Variants in AKAP13 observed in about 807,000 individuals in gnomAD.
AKAP13 encodes A-kinase anchoring protein 13, also known as A-kinase anchor protein 13.
In AKAP13, 80 loss-of-function variants were observed where a neutral mutation model predicts 264.5. The ratio of observed to expected loss-of-function variants is 0.30; its 90% CI spans 0.25 to 0.36. The LOEUF (loss-of-function observed/expected upper bound fraction) is 0.36. AKAP13 is among the 10% of genes least tolerant of loss of function. The probability of loss-of-function intolerance (pLI) is 1.00; values close to 1 mark genes in which losing one functional copy is unlikely to be tolerated. For missense variants in AKAP13, 3,712 were observed against 3,435.2 expected (o/e 1.08, Z -2.01); for synonymous variants, 1,380 against 1,250.2 (o/e 1.10, Z -2.19).
intron 1 of AKAP13, among the ~76,000 whole-genome samples, chr15:85,401,724 CCTA>C (rs1159202550): frequency 3.3e-5 from 5 of 152,120 alleles, no homozygotes; most frequent in African/African-American, 1.2e-4. Flanking sequence ...CTTAGGTCTC[CCTA>C]CTTTCTTTCC....
chr15:85,464,252 A>G (rs2074640103), intron 1 of AKAP13, among the ~76,000 whole-genome samples: 1 of 152,122 alleles, frequency 6.6e-6, no homozygotes, highest in African/African-American at 2.4e-5. Context: ...GTGCTCTAGT[A>G]TGTGTTAAAA....
intron 16 of AKAP13, among the ~76,000 whole-genome samples, chr15:85,687,458 T>G (rs1296050718): frequency 3.9e-5 from 6 of 152,228 alleles, no homozygotes; most frequent in Admixed American, 3.9e-4. Flanking sequence ...ACCTCTTGTC[T>G]CTGATCATCT....
At chr15:85,702,089 C>G (rs1429936169) in intron 17 of AKAP13, 1 of 151,990 alleles carries the variant, frequency 6.6e-6, no homozygotes, top group Non-Finnish European at 1.5e-5. Flanking sequence ...ACTAAAAATA[C>G]AAAAAATTAG....
At chr15:85,489,196 G>T (rs2075657272) in intron 2 of AKAP13, among the ~76,000 whole-genome samples, 2 of 152,322 alleles carry the variant, frequency 1.3e-5, no homozygotes, top group Admixed American at 6.5e-5. Context: ...TTAAGTCATA[G>T]AAACCACTGT....
chr15:85,700,408 G>A (rs1396285433), intron 17 of AKAP13, among the ~76,000 whole-genome samples: 4 of 152,142 alleles, frequency 2.6e-5, no homozygotes, highest in African/African-American at 9.7e-5. Flanking sequence ...TATCAGTGTC[G>A]TATGTGCTAG....
rs4075254 is a variant in AKAP13 at position 85,580,757 on chromosome 15, G to A, written c.2689G>A (p.Val897Met). 1,018,103 of 1,613,858 alleles carry A rather than the reference G, an allele frequency of 0.63. 322,710 individuals carry two copies. Among genetic ancestry groups the A allele is most frequent in the Middle Eastern group, 0.69 (4,184 of 6,062 alleles). ...KGNTDSSLQS[V>M]GKATLALDSV... is the part of the protein sequence containing the mutation. The stretch of plus-strand genomic sequence containing the variant: ...GAACACTGACTCTTCCCTGCAAAGT[G>A]TGGGTAAGGCCACTTTGGCTTTAGA... The change falls in exon 7 of 37, where the codon GTG becomes ATG. Residue 897 changes from valine to methionine, a missense_variant. By Grantham distance (21) the Val-to-Met change is conservative (BLOSUM62 1). This residue lies in a region of AKAP13 where 2,759 missense variants were observed against 2,411.7 expected (regional missense o/e 1.14). Coordinates refer to ENST00000394518, the MANE Select transcript of AKAP13 (RefSeq NM_007200.5).
chr15:85,459,513 T>C (rs569140024), intron 1 of AKAP13, among the ~76,000 whole-genome samples: 1 of 151,242 alleles, frequency 6.6e-6, no homozygotes, highest in African/African-American at 2.4e-5. Context: ...TTTTCTTTTT[T>C]TTTTGAGATG....
chr15:85,477,872 G>T (rs556377326), intron 1 of AKAP13, among the ~76,000 whole-genome samples: 1 of 152,234 alleles, frequency 6.6e-6, no homozygotes, highest in Non-Finnish European at 1.5e-5. Flanking sequence ...GATGCCTCTT[G>T]TGACTCCTTC....
At chr15:85,404,267 A>G (rs1485791038) in intron 1 of AKAP13, among the ~76,000 whole-genome samples, 4 of 152,142 alleles carry the variant, frequency 2.6e-5, no homozygotes, top group Admixed American at 1.3e-4. Flanking sequence ...TTGTCAGTTT[A>G]TTCTTCTTTT....
intron 30 of AKAP13, 126 bp downstream of exon 30, chr15:85,730,833 T>C: frequency 1.2e-6 from 1 of 822,584 alleles, no homozygotes; most frequent in Non-Finnish European, 1.8e-6. Flanking sequence ...AAAACAAATA[T>C]TTCACTATAG....
At position 85,581,202 on chromosome 15, in the gene AKAP13, G is replaced by C. The variant is rs1427672207; in HGVS notation, c.3134G>C (p.Cys1045Ser). 1.2e-6 allele frequency: 2 copies of C among 1,613,740 alleles called. No homozygotes were observed. The highest frequency in any genetic ancestry group is 1.7e-6 in the Non-Finnish European group (2 of 1,179,816). Residue 1045 changes from cysteine to serine, a missense_variant, in exon 7 of 37, where the codon TGT becomes TCT. By Grantham distance (112) the Cys-to-Ser change is moderately radical. Transcript: ENST00000394518. ...CACAACAGCTCCGCTCTGTTGCCAT[G>C]TCTGTTGCCAGATGGGTCTGATGGG... Reference protein sequence around the residue: ...AEHNSSALLPCLLPDGSDGSD... With the variant: ...AEHNSSALLPSLLPDGSDGSD...
intron 8 of AKAP13, among the ~76,000 whole-genome samples, chr15:85,612,693 C>A (rs915410888): frequency 2.6e-5 from 4 of 151,814 alleles, no homozygotes; most frequent in African/African-American, 9.7e-5. Flanking sequence ...AGTAGTGACA[C>A]GTGCCTATAA....
At chr15:85,593,228 C>T (rs2079659173) in intron 8 of AKAP13, among the ~76,000 whole-genome samples, 1 of 152,114 alleles carries the variant, frequency 6.6e-6, no homozygotes, top group Non-Finnish European at 1.5e-5. Flanking sequence ...ATGAGAATTG[C>T]TTGAACCTGG....
rs1445484161 is a variant in AKAP13, at chr15:85,708,941, A to G, written c.5532+855A>G. Among the ~76,000 whole-genome samples the G allele has an allele frequency of 6.6e-6, 1 of 152,168 alleles. No homozygotes were observed. The highest frequency in any genetic ancestry group is 2.4e-5 in the African/African-American group (1 of 41,434). ...CTCAGATTCTGGGGGAGAGTCCAGGAATTTGCATTTCTAGTAAGTTCCCAG... is the reference window on the plus strand; with the variant it reads ...CTCAGATTCTGGGGGAGAGTCCAGGGATTTGCATTTCTAGTAAGTTCCCAG... On this transcript the variant is annotated intron_variant, in intron 18 of 36. Transcript: ENST00000394518. The surrounding 1 kb of genome is among the most constrained non-coding windows in gnomAD (Gnocchi z 4.3).
intron 1 of AKAP13, among the ~76,000 whole-genome samples, chr15:85,457,691 C>T (rs2074331864): frequency 6.6e-6 from 1 of 152,214 alleles, no homozygotes; most frequent in African/African-American, 2.4e-5. Context: ...TTTTACACAA[C>T]TGAAGCCTTT....
intron 36 of AKAP13, 172 bp from the exon 37 acceptor site, chr15:85,744,456 T>C (rs1479564995): frequency 1.0e-5 from 7 of 693,362 alleles, no homozygotes; most frequent in Non-Finnish European, 1.8e-5. Flanking sequence ...AGGATATCAC[T>C]TAAGAACCTT....
At chr15:85,501,808 G>C (rs914605150) in intron 2 of AKAP13, among the ~76,000 whole-genome samples, 4 of 152,186 alleles carry the variant, frequency 2.6e-5, no homozygotes, top group African/African-American at 9.7e-5. Flanking sequence ...TTGCTCCTCT[G>C]TGTCAGCGTT....
At chr15:85,715,966 G>A in intron 20 of AKAP13, 43 bp downstream of exon 20, 1 of 1,579,764 alleles carries the variant, frequency 6.3e-7, no homozygotes, top group Non-Finnish European at 8.6e-7. Flanking sequence ...GCATCTAGGT[G>A]ACCAGAGCAT....
At chr15:85,553,235 C>T (rs372979740) in intron 5 of AKAP13, among the ~76,000 whole-genome samples, 1 of 151,582 alleles carries the variant, frequency 6.6e-6, no homozygotes, top group African/African-American at 2.4e-5. Flanking sequence ...TACGGGCACT[C>T]GCCACCATGC....
Sources: gnomAD v4.1 joint callset for allele counts (sites outside exome capture counted in the v4.1 genomes callset) on GRCh38, gnomAD v4.1.1 for gene constraint, gnomAD v4.1.1 regional missense constraint, Gnocchi (gnomAD v3.1) non-coding constraint, MANE v1.5 for transcripts, NCBI Gene and HGNC (gene_info 2026-07-23, HGNC 2026-07-21) for gene names.